NBEA: variants seen among roughly 807,000 people sequenced by gnomAD.
The protein encoded by NBEA is neurobeachin.
Under a neutral mutation model 343.4 loss-of-function variants are expected in NBEA, and 44 were observed. The observed-to-expected ratio is 0.13, with a 90% CI of 0.10 to 0.16. The LOEUF is 0.16. Ranked by LOEUF, NBEA falls within the 10% of genes least tolerant of loss-of-function variation. The pLI is 1.00. For missense variants in NBEA, 2,555 were observed against 3,631.3 expected, an observed-to-expected ratio of 0.70 and a Z score of 7.62; for synonymous variants, 1,175 against 1,238.7, an observed-to-expected ratio of 0.95 and a Z score of 1.08.
intron 33 of NBEA, among the ~76,000 whole-genome samples, chr13:35,230,602 G>T (rs2074913900): frequency 1.3e-5 from 2 of 151,992 alleles, no homozygotes; most frequent in African/African-American, 4.8e-5. Flanking sequence ...GTTTAGCTGG[G>T]AAGAGCTGTA....
At chr13:35,375,537 T>G (rs1566046112) in intron 38 of NBEA, among the ~76,000 whole-genome samples, 1 of 152,152 alleles carries the variant, frequency 6.6e-6, no homozygotes, top group Non-Finnish European at 1.5e-5. Flanking sequence ...TGAATTATGA[T>G]TAAACATACA....
At chr13:35,175,656 A>G (rs2070839803) in intron 27 of NBEA, among the ~76,000 whole-genome samples, 1 of 152,200 alleles carries the variant, frequency 6.6e-6, no homozygotes, top group African/African-American at 2.4e-5. Flanking sequence ...GTAAGTAGCG[A>G]TGAATGTAAA....
rs142913105 is a variant in NBEA at position 34,995,334 on chromosome 13, G to A, written c.295-45599G>A. Among the ~76,000 whole-genome samples the A allele has an allele frequency of 3.8e-4, 57 of 151,764 alleles. No individual in the cohort carries two copies. The East Asian group carries it at 9.9e-3, about 26-fold the overall frequency. On this transcript the variant is annotated intron_variant, in intron 1 of 58. Transcript: ENST00000379939. ...GAGCCTGGCATGGTGGCATGCACCTGTAGTCCCAGCTACTGAGGAGGCTGA... is the reference window on the plus strand; with the variant it reads ...GAGCCTGGCATGGTGGCATGCACCTATAGTCCCAGCTACTGAGGAGGCTGA...
chr13:35,594,663 G>T (rs755240560), intron 47 of NBEA, among the ~76,000 whole-genome samples: 3 of 152,014 alleles, frequency 2.0e-5, no homozygotes, highest in Non-Finnish European at 4.4e-5. Flanking sequence ...AAAATGATTT[G>T]TTACCAGTGA....
At chr13:35,432,539 A>G (rs2045189753) in intron 39 of NBEA, 146 bp downstream of exon 39, 8 of 686,376 alleles carry the variant, frequency 1.2e-5, no homozygotes, top group Non-Finnish European at 1.7e-5. Flanking sequence ...ATCCTTCAGC[A>G]TCATTTAGGT....
Position 35,328,583 on chromosome 13 carries a change from T to A in NBEA, c.5903+18991T>A, listed in dbSNP as rs149637991. ...CATGATGTGATTATCATGCATTGCA[T>A]GCCTGGATCAAAATGTCTCATGCAC... is the stretch of plus-strand genomic sequence containing the variant. On this transcript the variant is annotated intron_variant, in intron 36 of 58. Transcript: ENST00000379939. Among the ~76,000 whole-genome samples the A allele has an allele frequency of 6.0e-4, 91 of 152,056 alleles. 1 individual carries two copies. The highest frequency in any genetic ancestry group is 2.1e-3 in the African/African-American group (89 of 41,544).
At chr13:35,084,650 C>T (rs1407569531) in intron 10 of NBEA, among the ~76,000 whole-genome samples, 1 of 152,016 alleles carries the variant, frequency 6.6e-6, no homozygotes, top group African/African-American at 2.4e-5. Flanking sequence ...AAAATTGACA[C>T]CCTAACATCA....
At chr13:35,279,052 G>A (rs1198017937) in intron 34 of NBEA, among the ~76,000 whole-genome samples, 1 of 152,088 alleles carries the variant, frequency 6.6e-6, no homozygotes, top group Non-Finnish European at 1.5e-5. Context: ...AACAGAAGGT[G>A]GGCCAGCTCT....
At chr13:35,649,992 T>G (rs1012775591) in intron 52 of NBEA, 145 bp downstream of exon 52, 1 of 830,602 alleles carries the variant, frequency 1.2e-6, no homozygotes, top group Non-Finnish European at 1.8e-6. Context: ...CAAATCCAAC[T>G]AAGGGACTTC....
chr13:35,223,878 A>C (rs1029619934), intron 33 of NBEA, among the ~76,000 whole-genome samples: 3 of 152,170 alleles, frequency 2.0e-5, no homozygotes, highest in Non-Finnish European at 4.4e-5. Context: ...AGATGTTGGC[A>C]GGGCTGCATT....
At chr13:34,996,731 AT>A (rs34300158) in intron 1 of NBEA, among the ~76,000 whole-genome samples, 1 of 151,922 alleles carries the variant, frequency 6.6e-6, no homozygotes, top group East Asian at 1.9e-4. Context: ...ACATTACCAG[AT>A]TTTGTTTTAG....
chr13:35,446,837 A>G (rs983960166), intron 39 of NBEA, among the ~76,000 whole-genome samples: 2 of 152,026 alleles, frequency 1.3e-5, no homozygotes, highest in African/African-American at 4.8e-5. Context: ...ACCTATATAT[A>G]TAACTTTTCA....
chr13:35,105,881 G>A (rs1261490451), intron 11 of NBEA, among the ~76,000 whole-genome samples: 1 of 151,952 alleles, frequency 6.6e-6, no homozygotes, highest in Non-Finnish European at 1.5e-5. Context: ...ATGTGTGTGT[G>A]TATATTATGC....
At chr13:35,456,689 T>C (rs2046598392) in intron 40 of NBEA, among the ~76,000 whole-genome samples, 2 of 151,984 alleles carry the variant, frequency 1.3e-5, no homozygotes, top group Admixed American at 1.3e-4. Flanking sequence ...AGGATTTAAT[T>C]AAATTGAAAA....
chr13:35,394,145 A>G (rs1053430292), intron 38 of NBEA, among the ~76,000 whole-genome samples: 9 of 152,152 alleles, frequency 5.9e-5, no homozygotes, highest in South Asian at 2.1e-4. Context: ...TAGCTTATCT[A>G]TACTTCTTTT....
At chr13:35,160,132 A>G in intron 22 of NBEA, 100 bp downstream of exon 22, 2 of 1,097,742 alleles carry the variant, frequency 1.8e-6, no homozygotes, top group South Asian at 3.5e-5. Flanking sequence ...TCATGTTTAT[A>G]TTGAATTATA....
intron 40 of NBEA, among the ~76,000 whole-genome samples, chr13:35,471,964 T>C (rs951027286): frequency 1.3e-5 from 2 of 152,032 alleles, no homozygotes; most frequent in Admixed American, 6.6e-5. Flanking sequence ...TCCTCTCGCC[T>C]CTCCTTGGGG....
At chr13:35,254,305 C>T (rs2032324478) in intron 34 of NBEA, among the ~76,000 whole-genome samples, 1 of 148,970 alleles carries the variant, frequency 6.7e-6, no homozygotes, top group African/African-American at 2.5e-5. Flanking sequence ...AACTAAGTTT[C>T]TAACATTTTT....
At chr13:35,298,906 A>C (rs1023050032) in intron 35 of NBEA, among the ~76,000 whole-genome samples, 1 of 152,040 alleles carries the variant, frequency 6.6e-6, no homozygotes, top group Non-Finnish European at 1.5e-5. Context: ...GATCTTCATA[A>C]AAATAAGAAA....
Sources: gnomAD v4.1 joint callset for allele counts (sites outside exome capture counted in the v4.1 genomes callset) on GRCh38, gnomAD v4.1.1 for gene constraint, MANE v1.5 for transcripts, NCBI Gene and HGNC (gene_info 2026-07-23, HGNC 2026-07-21) for gene names.